The following OR9Q1 variants were observed in gnomAD, a reference collection of about 807,000 sequenced individuals.
OR9Q1 encodes olfactory receptor family 9 subfamily Q member 1.
For synonymous variants in OR9Q1, 153 were observed against 148.6 expected (o/e 1.03, Z -0.22); for missense variants, 374 against 378.8 (o/e 0.99, Z 0.11).
chr11:58,038,027 G>A (rs540265915), intron 1 of OR9Q1, among the ~76,000 whole-genome samples: 3 of 44 alleles, frequency 0.068, no homozygotes, highest in Non-Finnish European at 0.094. Flanking sequence ...TACCGCGCCC[G>A]GCCAGAATAA....
chr11:58,109,619 C>T, intron 2 of OR9Q1: 1 of 456,852 alleles, frequency 2.2e-6, no homozygotes, highest in Non-Finnish European at 4.4e-6. Context: ...GTGAAGACTA[C>T]AAGAATGAAC....
At chr11:58,043,904 G>A (rs1853190994) in intron 1 of OR9Q1, among the ~76,000 whole-genome samples, 1 of 152,150 alleles carries the variant, frequency 6.6e-6, no homozygotes. Context: ...AGCTCTGTGG[G>A]TCCAGGACCA....
intron 2 of OR9Q1, among the ~76,000 whole-genome samples, chr11:58,149,342 A>G (rs1026025304): frequency 1.3e-5 from 2 of 152,140 alleles, no homozygotes; most frequent in Non-Finnish European, 2.9e-5. Flanking sequence ...TTTGCTCCTC[A>G]CTGTATTCCT....
intron 1 of OR9Q1, among the ~76,000 whole-genome samples, chr11:58,033,876 CAA>C (rs1853068176): frequency 6.6e-6 from 1 of 152,074 alleles, no homozygotes; most frequent in African/African-American, 2.4e-5. Flanking sequence ...GTCTCTATAA[CAA>C]GAGAGACTTA....
chr11:58,054,689 G>A (rs569461129), intron 1 of OR9Q1, among the ~76,000 whole-genome samples: 13 of 142,318 alleles, frequency 9.1e-5, no homozygotes, highest in Non-Finnish European at 2.0e-4. Context: ...ATCCCAGGCC[G>A]AGGTGGGCGG....
intron 1 of OR9Q1, among the ~76,000 whole-genome samples, chr11:58,036,253 T>C (rs1012079361): frequency 3.9e-5 from 6 of 152,214 alleles, no homozygotes; most frequent in Non-Finnish European, 7.3e-5. Context: ...TCATGCTGTT[T>C]ACAGCATGGT....
At position 58,065,938 on chromosome 11, in the gene OR9Q1, T is replaced by A. The variant is rs369542979; in HGVS notation, c.-15+9991T>A. Among the ~76,000 whole-genome samples, 273 of 152,272 alleles carry A rather than the reference T, an allele frequency of 1.8e-3. 1 individual carries two copies. Among genetic ancestry groups the A allele is most frequent in the African/African-American group, 6.3e-3 (263 of 41,556 alleles). On this transcript the variant is annotated intron_variant, in intron 2 of 2. Coordinates refer to ENST00000335397, the MANE Select transcript of OR9Q1 (RefSeq NM_001005212.4). ...TGTGGATTCAGTCCCTCACTGTGGCTTCCACCAACTTACTTCTCACCCAAC... is the reference window on the plus strand; with the variant it reads ...TGTGGATTCAGTCCCTCACTGTGGCATCCACCAACTTACTTCTCACCCAAC...
chr11:58,148,802 T>G (rs116315823), intron 2 of OR9Q1, among the ~76,000 whole-genome samples: 8 of 152,192 alleles, frequency 5.3e-5, no homozygotes, highest in Non-Finnish European at 1.0e-4. Context: ...ACCAGAGAAA[T>G]TGGGGAAAGC....
chr11:58,127,031 A>C (rs1259481557), intron 2 of OR9Q1, among the ~76,000 whole-genome samples: 1 of 151,866 alleles, frequency 6.6e-6, no homozygotes. Flanking sequence ...GCTCACTGCA[A>C]CTCCACTTCC....
intron 2 of OR9Q1, chr11:58,125,622 A>G (rs1854083735): frequency 6.6e-6 from 1 of 152,122 alleles, no homozygotes; most frequent in Non-Finnish European, 1.5e-5. Flanking sequence ...TATGGGAGGG[A>G]TGCAGTGATC....
chr11:58,058,024 C>T (rs780207131), intron 2 of OR9Q1, among the ~76,000 whole-genome samples: 4 of 152,200 alleles, frequency 2.6e-5, no homozygotes, highest in Non-Finnish European at 2.9e-5. Context: ...CACTTTTGTT[C>T]TAAATTTGAT....
intron 1 of OR9Q1, chr11:58,031,674 C>G: frequency 6.2e-7 from 1 of 1,613,872 alleles, no homozygotes; most frequent in Non-Finnish European, 8.5e-7. Context: ...CGCTGGAAGG[C>G]CTTCTCTACC....
intron 2 of OR9Q1, among the ~76,000 whole-genome samples, chr11:58,096,519 T>C (rs1853733483): frequency 6.6e-6 from 1 of 152,136 alleles, no homozygotes. Context: ...TAATATATAA[T>C]GTTTTAATTT....
chr11:58,047,445 T>A (rs1184842536), intron 1 of OR9Q1: 1 of 152,338 alleles, frequency 6.6e-6, no homozygotes, highest in South Asian at 2.1e-4. Flanking sequence ...AGAACATAGA[T>A]GTTTTTAATG....
intron 2 of OR9Q1, among the ~76,000 whole-genome samples, chr11:58,097,973 A>G (rs1452686451): frequency 3.9e-5 from 6 of 152,210 alleles, no homozygotes; most frequent in Admixed American, 3.9e-4. Flanking sequence ...TGGATTACCA[A>G]GTTGCATGAA....
At position 58,180,497 on chromosome 11, in the gene OR9Q1, A is replaced by G. The variant is rs1854655034; in HGVS notation, c.*120A>G. On this transcript the variant is annotated 3_prime_UTR_variant, in exon 3 of 3. Transcript: ENST00000335397. ...AATATATTATGGTACTAGGTATAAA[A>G]AAGAACCAGAACTTTTAGCTCCAGG... 3.5e-6 allele frequency: 2 copies of G among 565,632 alleles called. No homozygotes were observed. 35.0% of individuals were successfully genotyped at this position (565,632 alleles called of 1,614,324 possible).
At chr11:58,053,868 C>G (rs1264128508) in intron 1 of OR9Q1, among the ~76,000 whole-genome samples, 1 of 151,762 alleles carries the variant, frequency 6.6e-6, no homozygotes, top group African/African-American at 2.4e-5. Flanking sequence ...CATCCTCCAT[C>G]CCCCATCCCA....
chr11:58,149,513 T>A (rs1482063820), intron 2 of OR9Q1, among the ~76,000 whole-genome samples: 1 of 152,198 alleles, frequency 6.6e-6, no homozygotes, highest in African/African-American at 2.4e-5. Context: ...CACAGTTTGG[T>A]GGCATTAAAT....
At chr11:58,170,474 C>T (rs556215006) in intron 2 of OR9Q1, among the ~76,000 whole-genome samples, 4 of 152,232 alleles carry the variant, frequency 2.6e-5, no homozygotes, top group South Asian at 2.1e-4. Flanking sequence ...TATCCTTCTA[C>T]GTGGTGTCCC....
Sources: gnomAD v4.1 joint callset for allele counts (sites outside exome capture counted in the v4.1 genomes callset) on GRCh38, gnomAD v4.1.1 for gene constraint, MANE v1.5 for transcripts, NCBI Gene and HGNC (gene_info 2026-07-23, HGNC 2026-07-21) for gene names.